The following CNTNAP2 variants were observed in gnomAD, a reference collection of about 807,000 sequenced individuals.
CNTNAP2 encodes the protein contactin-associated protein-like 2.
A neutral mutation model predicts 155.2 loss-of-function variants in CNTNAP2; 98 were observed. The observed-to-expected ratio is 0.63, with a 90% CI of 0.54 to 0.75. The LOEUF is 0.75. Among genes scored for constraint, CNTNAP2 ranks in the 30% least tolerant of loss-of-function variants. The pLI, the probability that CNTNAP2 is intolerant of heterozygous loss-of-function variation, is 0.00. For synonymous variants in CNTNAP2, 651 were observed against 631.2 expected (o/e 1.03, Z -0.47); for missense variants, 1,727 against 1,688.1 (o/e 1.02, Z -0.40).
At chr7:147,587,732 C>T (rs938002557) in intron 12 of CNTNAP2, among the ~76,000 whole-genome samples, 7 of 152,194 alleles carry the variant, frequency 4.6e-5, no homozygotes, top group African/African-American at 7.2e-5. Flanking sequence ...GCAAATAAGA[C>T]GCATAGTGGT....
At chr7:147,544,945 AC>A (rs771183042) in intron 11 of CNTNAP2, among the ~76,000 whole-genome samples, 1 of 151,444 alleles carries the variant, frequency 6.6e-6, no homozygotes, top group Non-Finnish European at 1.5e-5. Flanking sequence ...AGTCCATTAA[AC>A]CTCTTTCCTT....
intron 1 of CNTNAP2, among the ~76,000 whole-genome samples, chr7:146,535,662 C>T (rs940826019): frequency 4.6e-5 from 7 of 151,178 alleles, no homozygotes; most frequent in Non-Finnish European, 2.9e-5. Context: ...ATGTTTGTTA[C>T]AAGAGTATAT....
At chr7:146,463,606 A>C (rs887344345) in intron 1 of CNTNAP2, among the ~76,000 whole-genome samples, 1 of 152,122 alleles carries the variant, frequency 6.6e-6, no homozygotes, top group Non-Finnish European at 1.5e-5. Context: ...GCATATATAC[A>C]CATGTATATA....
intron 1 of CNTNAP2, among the ~76,000 whole-genome samples, chr7:146,588,907 T>C (rs961272741): frequency 6.6e-6 from 1 of 152,094 alleles, no homozygotes; most frequent in Non-Finnish European, 1.5e-5. Context: ...TTAGCTGCTG[T>C]CTATAATATT....
At chr7:147,885,103 A>G (rs999542654) in intron 13 of CNTNAP2, among the ~76,000 whole-genome samples, 6 of 152,246 alleles carry the variant, frequency 3.9e-5, no homozygotes, top group Non-Finnish European at 5.9e-5. Flanking sequence ...GTTACTTTCA[A>G]TGGTAAAAAC....
At chr7:148,360,067 G>A (rs762429500) in intron 21 of CNTNAP2, among the ~76,000 whole-genome samples, 1 of 152,166 alleles carries the variant, frequency 6.6e-6, no homozygotes, top group East Asian at 1.9e-4. Context: ...GGCAGCCATG[G>A]GTTGGCTGGA....
In CNTNAP2 at chr7:148,064,703, G is replaced by A. The variant is rs117538561; in HGVS notation, c.2384-53415G>A. 7.4e-3 allele frequency among the ~76,000 whole-genome samples: 1,044 copies of A among 140,856 alleles called. 3 individuals carry two copies. Among genetic ancestry groups the A allele is most frequent in the Middle Eastern group, 0.019 (5 of 262 alleles). The allele number at this position is 140,856 out of a possible 152,430, so 92.4% of individuals were successfully genotyped here. A position where few individuals can be genotyped will look rare whatever the true frequency, so the allele number is the denominator to read the frequency against. ...AAAAAAAAAAAAAAAAAAAACTCAA[G>A]AATATACCTAACCAAAGAAGTGAAA... On this transcript the variant is annotated intron_variant, in intron 15 of 23. Transcript: ENST00000361727.
chr7:146,149,326 G>A (rs1389708924), intron 1 of CNTNAP2, among the ~76,000 whole-genome samples: 2 of 152,076 alleles, frequency 1.3e-5, no homozygotes, highest in African/African-American at 4.8e-5. Context: ...CTGTATGATA[G>A]GATTCAAATT....
At chr7:146,266,000 G>A (rs551964916) in intron 1 of CNTNAP2, among the ~76,000 whole-genome samples, 2 of 151,952 alleles carry the variant, frequency 1.3e-5, no homozygotes, top group African/African-American at 4.8e-5. Context: ...AGCCTCGCTT[G>A]CAATTAGCTA....
intron 3 of CNTNAP2, among the ~76,000 whole-genome samples, chr7:146,977,982 G>A (rs553902236): frequency 2.0e-5 from 3 of 152,260 alleles, no homozygotes; most frequent in East Asian, 3.9e-4. Context: ...TAAAAGATAA[G>A]ATAGGAGTAA....
intron 1 of CNTNAP2, among the ~76,000 whole-genome samples, chr7:146,134,960 T>C (rs1324902572): frequency 6.6e-6 from 1 of 151,818 alleles, no homozygotes; most frequent in Non-Finnish European, 1.5e-5. Context: ...CTTTTTCTAT[T>C]GATTGGAATA....
At chr7:146,835,802 G>A (rs1272842502) in intron 2 of CNTNAP2, among the ~76,000 whole-genome samples, 1 of 152,130 alleles carries the variant, frequency 6.6e-6, no homozygotes, top group Non-Finnish European at 1.5e-5. Context: ...GAATGAAACA[G>A]AAATTAGTTA....
chr7:148,117,417 C>A (rs1385221449), intron 15 of CNTNAP2, among the ~76,000 whole-genome samples: 1 of 152,204 alleles, frequency 6.6e-6, no homozygotes, highest in African/African-American at 2.4e-5. Flanking sequence ...CTGGTCACTT[C>A]TGCCTCGTTC....
chr7:148,327,179 G>T (rs1008644779), intron 21 of CNTNAP2, among the ~76,000 whole-genome samples: 2 of 152,156 alleles, frequency 1.3e-5, no homozygotes, highest in Non-Finnish European at 2.9e-5. Context: ...GCTCCCAGGG[G>T]CTGCTGCAGT....
intron 21 of CNTNAP2, among the ~76,000 whole-genome samples, chr7:148,344,103 C>T (rs1410397192): frequency 6.6e-6 from 1 of 152,190 alleles, no homozygotes; most frequent in Non-Finnish European, 1.5e-5. Context: ...ATGGTCTTCA[C>T]ACAGCATTTC....
At chr7:146,133,610 C>T (rs1414211999) in intron 1 of CNTNAP2, among the ~76,000 whole-genome samples, 3 of 152,052 alleles carry the variant, frequency 2.0e-5, no homozygotes, top group Non-Finnish European at 4.4e-5. Context: ...AGGAAGGGAT[C>T]CAGTTTCAGC....
intron 16 of CNTNAP2, among the ~76,000 whole-genome samples, chr7:148,123,452 C>T (rs1804641836): frequency 6.6e-6 from 1 of 152,080 alleles, no homozygotes; most frequent in African/African-American, 2.4e-5. Context: ...ATTAGCCAGG[C>T]ATGGTTGGCT....
intron 1 of CNTNAP2, among the ~76,000 whole-genome samples, chr7:146,579,121 A>C (rs1202834853): frequency 6.6e-6 from 1 of 152,178 alleles, no homozygotes; most frequent in Non-Finnish European, 1.5e-5. Flanking sequence ...TGATTTCATT[A>C]CATATTTGAT....
chr7:146,751,991 T>C (rs1801912668), intron 1 of CNTNAP2, among the ~76,000 whole-genome samples: 2 of 152,186 alleles, frequency 1.3e-5, no homozygotes, highest in African/African-American at 4.8e-5. Flanking sequence ...TTCCATGGTG[T>C]ATATGTGCCA....
Sources: allele counts gnomAD v4.1 joint callset (sites outside exome capture counted in the v4.1 genomes callset), GRCh38; gene constraint gnomAD v4.1.1; transcripts MANE v1.5; gene names NCBI Gene and HGNC (gene_info 2026-07-23, HGNC 2026-07-21).